TENM2: variants seen among roughly 807,000 people sequenced by gnomAD.
TENM2 encodes the protein teneurin transmembrane protein 2, also known as teneurin-2.
In TENM2, 52 loss-of-function variants were observed where a neutral mutation model predicts 245.2. The ratio of observed to expected loss-of-function variants is 0.21; its 90% CI spans 0.17 to 0.27. The LOEUF is 0.27. Ranked by LOEUF, TENM2 falls within the 10% of genes least tolerant of loss-of-function variation. The pLI, the probability that TENM2 is intolerant of heterozygous loss-of-function variation, is 1.00. For missense variants in TENM2, 3,046 were observed against 3,666.8 expected (o/e 0.83, Z 4.37); for synonymous variants, 1,363 against 1,438.9 (o/e 0.95, Z 1.19).
the TENM2 span, among the ~76,000 whole-genome samples, chr5:167,084,685 A>T: frequency 9.2e-5 from 14 of 152,064 alleles, no homozygotes; most frequent in Admixed American, 8.5e-4. Flanking sequence ...AGAATGCAAC[A>T]GTGAAATAGC....
At chr5:167,002,207 T>G in the TENM2 span, among the ~76,000 whole-genome samples, 1 of 152,208 alleles carries the variant, frequency 6.6e-6, no homozygotes, top group African/African-American at 2.4e-5. Context: ...AGGGGAAATT[T>G]GGGCCTGAAG....
chr5:167,414,084 T>G (rs1356560134), intron 2 of TENM2, among the ~76,000 whole-genome samples: 2 of 152,148 alleles, frequency 1.3e-5, no homozygotes, highest in Non-Finnish European at 2.9e-5. Flanking sequence ...TTTACTGAAT[T>G]TATACTTGTT....
At chr5:167,385,793 T>C (rs1761393725) in intron 2 of TENM2, among the ~76,000 whole-genome samples, 1 of 151,872 alleles carries the variant, frequency 6.6e-6, no homozygotes, top group African/African-American at 2.4e-5. Flanking sequence ...TCACTTAGAA[T>C]AATGCTGTGA....
intron 2 of TENM2, among the ~76,000 whole-genome samples, chr5:167,711,328 G>A (rs1310978849): frequency 2.0e-5 from 3 of 152,202 alleles, no homozygotes; most frequent in East Asian, 3.8e-4. Flanking sequence ...GAGTATGGGT[G>A]TCTGGGATAG....
chr5:167,813,972 G>A (rs1360568853), intron 2 of TENM2, among the ~76,000 whole-genome samples: 1 of 152,138 alleles, frequency 6.6e-6, no homozygotes, highest in Non-Finnish European at 1.5e-5. Flanking sequence ...CTACAATGAA[G>A]GTAGCAGTTC....
At chr5:167,108,283 G>A in the TENM2 span, among the ~76,000 whole-genome samples, 436 of 152,146 alleles carry the variant, frequency 2.9e-3, 1 homozygote, top group African/African-American at 9.8e-3. Flanking sequence ...GGGCCACCAC[G>A]TCCAGCTAGT....
At chr5:167,126,895 G>A in the TENM2 span, among the ~76,000 whole-genome samples, 2 of 152,052 alleles carry the variant, frequency 1.3e-5, no homozygotes, top group Non-Finnish European at 2.9e-5. Context: ...TTAGACTGTG[G>A]TATTAATATT....
chr5:167,026,957 A>C, the TENM2 span, among the ~76,000 whole-genome samples: 8 of 152,112 alleles, frequency 5.3e-5, no homozygotes, highest in African/African-American at 1.9e-4. Context: ...GTAGTGCATG[A>C]TTATATCTAA....
chr5:167,714,954 AC>A (rs1759161697), intron 2 of TENM2, among the ~76,000 whole-genome samples: 1 of 152,044 alleles, frequency 6.6e-6, no homozygotes, highest in African/African-American at 2.4e-5. Context: ...AAAACCTTCT[AC>A]CCATTTCTTT....
chr5:167,345,643 T>G (rs1758407818), intron 1 of TENM2, among the ~76,000 whole-genome samples: 1 of 152,180 alleles, frequency 6.6e-6, no homozygotes, highest in African/African-American at 2.4e-5. Context: ...TTACAAATTT[T>G]TATTAGCAGA....
At chr5:167,023,715 T>C in the TENM2 span, among the ~76,000 whole-genome samples, 3 of 152,176 alleles carry the variant, frequency 2.0e-5, no homozygotes, top group Non-Finnish European at 4.4e-5. Context: ...CAAGCAAACA[T>C]GTTCTCTGAG....
chr5:167,690,839 A>T (rs1757376021), intron 2 of TENM2, among the ~76,000 whole-genome samples: 1 of 152,078 alleles, frequency 6.6e-6, no homozygotes, highest in Admixed American at 6.6e-5. Flanking sequence ...ACGCAATCAC[A>T]CACACATATA....
intron 5 of TENM2, among the ~76,000 whole-genome samples, chr5:168,012,399 T>G (rs1344177974): frequency 1.3e-5 from 2 of 151,796 alleles, no homozygotes; most frequent in African/African-American, 4.8e-5. Context: ...TCGCTGCGCT[T>G]TGGGAGGCCA....
intron 5 of TENM2, among the ~76,000 whole-genome samples, chr5:168,031,317 A>G (rs1787125870): frequency 6.6e-6 from 1 of 152,156 alleles, no homozygotes; most frequent in Non-Finnish European, 1.5e-5. Context: ...TATATTTCAT[A>G]ATTTCTATTA....
chr5:167,962,462 T>C (rs1029238030), intron 4 of TENM2, among the ~76,000 whole-genome samples: 1 of 152,216 alleles, frequency 6.6e-6, no homozygotes, highest in Non-Finnish European at 1.5e-5. Context: ...AGAATATGCA[T>C]CTAGTCTCAT....
At chr5:167,282,949 C>T (rs189705155), upstream of TENM2, among the ~76,000 whole-genome samples, 51 of 152,260 alleles carry the variant, frequency 3.3e-4, no homozygotes, top group East Asian at 1.7e-3. Context: ...GAGTGAGAGA[C>T]TCCAGAGTCC....
the TENM2 span, among the ~76,000 whole-genome samples, chr5:167,231,033 C>T: frequency 2.0e-5 from 3 of 152,182 alleles, no homozygotes; most frequent in African/African-American, 7.2e-5. Flanking sequence ...CTCATTCTCT[C>T]TCCTGCTGCC....
At chr5:166,984,697 T>C in the TENM2 span, among the ~76,000 whole-genome samples, 2 of 152,144 alleles carry the variant, frequency 1.3e-5, no homozygotes, top group African/African-American at 4.8e-5. Context: ...TGATAGAAGA[T>C]AGCTATATTC....
At chr5:168,211,605 G>T in intron 19 of TENM2, 129 bp from the exon 22 acceptor site, 1 of 607,574 alleles carries the variant, frequency 1.6e-6, no homozygotes. Context: ...TCAGTTACAG[G>T]GGAAAAAAGA....
Sources: gnomAD v4.1 joint callset for allele counts (sites outside exome capture counted in the v4.1 genomes callset) on GRCh38, gnomAD v4.1.1 for gene constraint, MANE v1.5 for transcripts, NCBI Gene and HGNC (gene_info 2026-07-23, HGNC 2026-07-21) for gene names.